Variants in VWC2 observed in about 807,000 individuals in gnomAD.
VWC2 encodes von Willebrand factor C domain containing 2, also known as brorin.
In VWC2, 14 loss-of-function variants were observed where a neutral mutation model predicts 29.8. That is an observed-to-expected ratio of 0.47 (90% CI 0.31 to 0.74). VWC2 has a LOEUF of 0.74. VWC2 is among the 30% of genes least tolerant of loss of function. The pLI is 0.05. For missense variants in VWC2, 457 were observed against 459.8 expected (o/e 0.99, Z 0.05); for synonymous variants, 213 against 199.0 (o/e 1.07, Z -0.59).
intron 3 of VWC2, among the ~76,000 whole-genome samples, chr7:49,806,613 A>G (rs1319273739): frequency 6.6e-6 from 1 of 152,200 alleles, no homozygotes; most frequent in East Asian, 1.9e-4. Context: ...ATATGTAAGA[A>G]GCACTGACTG....
chr7:49,834,527 A>G (rs1229139699), intron 3 of VWC2, among the ~76,000 whole-genome samples: 1 of 152,196 alleles, frequency 6.6e-6, no homozygotes, highest in East Asian at 1.9e-4. Flanking sequence ...GTCAGTCTGT[A>G]TTATATGCTG....
chr7:49,855,226 T>C (rs1019646000), intron 3 of VWC2, among the ~76,000 whole-genome samples: 1 of 152,138 alleles, frequency 6.6e-6, no homozygotes, highest in Admixed American at 6.5e-5. Context: ...TCTCTGAAAA[T>C]GGGATATGTT....
chr7:49,910,766 G>A (rs1793364815), intron 3 of VWC2, among the ~76,000 whole-genome samples: 1 of 152,132 alleles, frequency 6.6e-6, no homozygotes, highest in South Asian at 2.1e-4. Context: ...AATTCTCATG[G>A]AAAACTGTGA....
intron 3 of VWC2, among the ~76,000 whole-genome samples, chr7:49,828,241 A>G (rs1789448615): frequency 6.6e-6 from 1 of 152,150 alleles, no homozygotes; most frequent in Admixed American, 6.6e-5. Flanking sequence ...GTACAAATAA[A>G]CCACAATTTG....
rs776226575 is a variant in VWC2, at chr7:49,819,456, C to T, written c.826+16616C>T. Among the ~76,000 whole-genome samples, 5 of 152,280 alleles carry T rather than the reference C, an allele frequency of 3.3e-5. No individual in the cohort carries two copies. The East Asian group carries it at 7.7e-4, about 23-fold the overall frequency. On this transcript the variant is annotated intron_variant, in intron 3 of 3. Coordinates refer to ENST00000340652, the MANE Select transcript of VWC2 (RefSeq NM_198570.5). ...CCTCTGAAACATGAGGGACATGCAG[C>T]CAAAACACGGGCCATGCTGTGCAGC...
At chr7:49,791,951 GTCTGC>G (rs1242061343) in intron 2 of VWC2, among the ~76,000 whole-genome samples, 1 of 152,170 alleles carries the variant, frequency 6.6e-6, no homozygotes, top group Non-Finnish European at 1.5e-5. Context: ...ACTTACTTGT[GTCTGC>G]TCTCTAGAAA....
intron 3 of VWC2, among the ~76,000 whole-genome samples, chr7:49,863,587 A>G (rs140399753): frequency 2.4e-4 from 36 of 152,196 alleles, no homozygotes; most frequent in African/African-American, 8.4e-4. Flanking sequence ...GTGCACCACC[A>G]TGCCCAGATA....
intron 2 of VWC2, among the ~76,000 whole-genome samples, chr7:49,780,795 AC>A (rs1482321950): frequency 4.6e-5 from 7 of 152,242 alleles, no homozygotes; most frequent in African/African-American, 1.7e-4. Context: ...AGGAAGGGGT[AC>A]TTGGAGGTGA....
intron 3 of VWC2, among the ~76,000 whole-genome samples, chr7:49,859,688 C>T (rs1398521321): frequency 1.3e-5 from 2 of 152,170 alleles, no homozygotes; most frequent in Non-Finnish European, 2.9e-5. Context: ...TATGTGTTGC[C>T]AATCGGTGGG....
At chr7:49,852,802 G>A (rs1216104872) in intron 3 of VWC2, among the ~76,000 whole-genome samples, 1 of 152,190 alleles carries the variant, frequency 6.6e-6, no homozygotes, top group African/African-American at 2.4e-5. Flanking sequence ...CCAGATGTGA[G>A]GAACATTTGG....
At chr7:49,878,834 C>G (rs190145897) in intron 3 of VWC2, among the ~76,000 whole-genome samples, 2 of 152,280 alleles carry the variant, frequency 1.3e-5, no homozygotes, top group Non-Finnish European at 2.9e-5. Flanking sequence ...AACACAGCTA[C>G]AGTTGTTTAT....
At position 49,775,585 on chromosome 7, in the gene VWC2, C is replaced by G. The variant is rs201551578; in HGVS notation, c.150C>G (p.His50Gln). 6.5e-7 allele frequency: 1 copy of G among 1,538,600 alleles called. No individual in the cohort carries two copies. The highest frequency in any genetic ancestry group is 1.2e-5 in the South Asian group (1 of 82,860). ...PEQPGQEKRE[H>Q]ASRDGPGRVN... is the part of the protein sequence containing the mutation. ...AGCCGGGCCAGGAGAAGCGTGAGCA[C>G]GCCTCTCGGGACGGCCCGGGGCGGG... The change falls in exon 2 of 4, where the codon CAC becomes CAG. Residue 50 changes from histidine to glutamine, a missense_variant. His to Gln is a conservative substitution (Grantham distance 24, BLOSUM62 0). Transcript: ENST00000340652.
intron 3 of VWC2, among the ~76,000 whole-genome samples, chr7:49,871,585 C>A (rs565938644): frequency 2.0e-5 from 3 of 151,722 alleles, no homozygotes. Context: ...ATTTTTCCTA[C>A]AAGAAGCATT....
intron 3 of VWC2, among the ~76,000 whole-genome samples, chr7:49,901,711 C>T (rs1372703716): frequency 6.6e-6 from 1 of 151,720 alleles, no homozygotes; most frequent in Non-Finnish European, 1.5e-5. Context: ...TCTGGAGGGG[C>T]AAAAGACCTA....
chr7:49,779,422 A>G (rs1019236430), intron 2 of VWC2, among the ~76,000 whole-genome samples: 1 of 152,214 alleles, frequency 6.6e-6, no homozygotes, highest in Non-Finnish European at 1.5e-5. Flanking sequence ...TAATGTGTTC[A>G]TTCCTCCAGG....
chr7:49,860,166 T>G lies in VWC2; in HGVS notation c.827-51868T>G, dbSNP rs115464978. ...TGTTCAATCCAGTGGCATTGTACAT[T>G]CACAAGGTTGTGCAATCATCACCAC... On this transcript the variant is annotated intron_variant, in intron 3 of 3. Transcript: ENST00000340652. Among the ~76,000 whole-genome samples, 1,131 of 152,296 alleles carry G rather than the reference T, an allele frequency of 7.4e-3. 10 individuals are homozygous for G. The highest frequency in any genetic ancestry group is 0.026 in the African/African-American group (1,066 of 41,556).
At chr7:49,899,430 CTG>C (rs1163550299) in intron 3 of VWC2, among the ~76,000 whole-genome samples, 2 of 151,952 alleles carry the variant, frequency 1.3e-5, no homozygotes, top group East Asian at 3.8e-4. Context: ...GAAAGCAAAA[CTG>C]TGGATAAAAA....
intron 3 of VWC2, among the ~76,000 whole-genome samples, chr7:49,876,232 T>A (rs1212957987): frequency 6.6e-6 from 1 of 152,138 alleles, no homozygotes; most frequent in Non-Finnish European, 1.5e-5. Flanking sequence ...GATACCGAAA[T>A]GTTTTGTCCA....
intron 3 of VWC2, among the ~76,000 whole-genome samples, chr7:49,877,968 G>A (rs1297658494): frequency 6.6e-6 from 1 of 151,950 alleles, no homozygotes; most frequent in Non-Finnish European, 1.5e-5. Context: ...ATATCATTTG[G>A]GTTAAATAAT....
Sources: gnomAD v4.1 joint callset for allele counts (sites outside exome capture counted in the v4.1 genomes callset) on GRCh38, gnomAD v4.1.1 for gene constraint, MANE v1.5 for transcripts, NCBI Gene and HGNC (gene_info 2026-07-23, HGNC 2026-07-21) for gene names.